Variants in CYP7A1 observed in about 807,000 individuals in gnomAD.
CYP7A1 encodes the protein cytochrome P450 7A1.
A neutral mutation model predicts 43.8 loss-of-function variants in CYP7A1; 28 were observed. That is an observed-to-expected ratio of 0.64 (90% CI 0.47 to 0.88). The LOEUF (loss-of-function observed/expected upper bound fraction) is 0.88, where lower values mean the gene tolerates loss of function less well. Among genes scored for constraint, CYP7A1 ranks in the 40% least tolerant of loss-of-function variants. The probability of loss-of-function intolerance (pLI) is 0.00; values close to 1 mark genes in which losing one functional copy is unlikely to be tolerated. For missense variants in CYP7A1, 637 were observed against 611.9 expected, an observed-to-expected ratio of 1.04 and a Z score of -0.43; for synonymous variants, 227 against 222.5, an observed-to-expected ratio of 1.02 and a Z score of -0.18.
At chr8:58,492,608 A>G (rs903163075) in intron 4 of CYP7A1, 80 bp from the exon 5 acceptor site, 53 of 1,193,964 alleles carry the variant, frequency 4.4e-5, no homozygotes, top group Admixed American at 9.6e-5. Context: ...CAAGTGTTTG[A>G]AGGTCATATG....
intron 4 of CYP7A1, among the ~76,000 whole-genome samples, chr8:58,493,491 C>T (rs761451733): frequency 2.3e-4 from 35 of 152,220 alleles, no homozygotes; most frequent in South Asian, 6.2e-4. Flanking sequence ...ACCTTTTAGC[C>T]GTATCCTTTA....
Position 58,497,036 on chromosome 8 carries a change from G to C in CYP7A1, c.476C>G (p.Ser159Cys). 1 of 1,608,820 alleles carries C rather than the reference G, an allele frequency of 6.2e-7. No individual in the cohort carries two copies. Among genetic ancestry groups the C allele is most frequent in the South Asian group, 1.1e-5 (1 of 91,064 alleles). ...LQRIMRPPVSSNSKTAAWVTE... is the reference protein window; with the variant it reads ...LQRIMRPPVSCNSKTAAWVTE... ...CACCCAGGCAGCGGTCTTTGAGTTA[G>C]AGGAGACTGGAGGTCTCATGATACG... The change falls in exon 3 of 6, where the codon TCT becomes TGT. Residue 159 changes from serine (S) to cysteine (C), a missense_variant. By Grantham distance (112) the Ser-to-Cys change is moderately radical. Transcript: ENST00000301645.
intron 5 of CYP7A1, 50 bp from the exon 6 acceptor site, chr8:58,491,824 T>C (rs1371155432): frequency 1.3e-6 from 2 of 1,486,760 alleles, no homozygotes; most frequent in Admixed American, 1.7e-5. Flanking sequence ...TTTAAAGAAA[T>C]TTATCTCTTT....
At chr8:58,498,109 A>G in intron 2 of CYP7A1, 120 bp downstream of exon 2, 1 of 1,107,514 alleles carries the variant, frequency 9.0e-7, no homozygotes, top group East Asian at 2.4e-5. Context: ...ATCTCCACAT[A>G]AGGATAACTC....
chr8:58,499,383 A>G (rs1809495878), intron 1 of CYP7A1, among the ~76,000 whole-genome samples: 1 of 152,208 alleles, frequency 6.6e-6, no homozygotes, highest in Non-Finnish European at 1.5e-5. Context: ...GAAGTTAAAT[A>G]AACTATGGTT....
rs766475483 is a variant in CYP7A1 at position 58,494,678 on chromosome 8, A to G, written c.909-42T>C. ...GAAAACATGTATGTACAGAAAATAA[A>G]CTTTTTCCATACTTTGAGATCTGCA... On this transcript the variant is annotated intron_variant, in intron 3 of 5. Transcript: ENST00000301645. The G allele has an allele frequency of 7.5e-6, 12 of 1,601,252 alleles. No individual in the cohort carries two copies. In the African/African-American group the frequency reaches 1.3e-4, roughly 18 times the overall value.
chr8:58,498,521 T>C (rs1269937774), intron 1 of CYP7A1, 52 bp from the exon 2 acceptor site: 1 of 1,608,916 alleles, frequency 6.2e-7, no homozygotes, highest in Non-Finnish European at 8.5e-7. Context: ...TTTGGGTTTT[T>C]ACTTACATCA....
chr8:58,497,141 T>C lies in CYP7A1; in HGVS notation c.371A>G (p.Asn124Ser). ...GGTTTTGATGAAAGTGTCGTTTATG[T>C]TTTCAGTGGTATTTCCATCCATCGG... ...IDPMDGNTTE[N>S]INDTFIKTLQ... Residue 124 changes from asparagine (N) to serine (S), a missense_variant, in exon 3 of 6, where the codon AAC (asparagine) becomes AGC (serine). By Grantham distance (46) the Asn-to-Ser change is conservative (BLOSUM62 1). Transcript: ENST00000301645. 2 of 1,599,744 alleles carry C rather than the reference T, an allele frequency of 1.3e-6. No individual in the cohort carries two copies. The highest frequency in any genetic ancestry group is 1.7e-4 in the Middle Eastern group (1 of 6,060).
intron 5 of CYP7A1, 25 bp from the exon 6 acceptor site, chr8:58,491,799 C>A: frequency 1.9e-6 from 3 of 1,592,342 alleles, no homozygotes; most frequent in South Asian, 1.1e-5. Context: ...CAAAGAAAAC[C>A]GCCTTTAAGC....
At chr8:58,497,316 T>G in intron 2 of CYP7A1, 126 bp from the exon 3 acceptor site, 1 of 831,454 alleles carries the variant, frequency 1.2e-6, no homozygotes, top group Non-Finnish European at 2.0e-6. Context: ...GGCTTTCCCT[T>G]GTACAAGTTC....
In CYP7A1 at chr8:58,494,696, G is replaced by C. The variant is rs1391873692; in HGVS notation, c.909-60C>G. The C allele has an allele frequency of 3.2e-6, 5 of 1,540,152 alleles. No individual in the cohort carries two copies. In the East Asian group the frequency reaches 1.1e-4, roughly 35 times the overall value. ...AAAATAAACTTTTTCCATACTTTGA[G>C]ATCTGCAAACAAATAGGCCTTTCCC... is the stretch of plus-strand genomic sequence containing the variant. On this transcript the variant is annotated intron_variant, in intron 3 of 5. Transcript: ENST00000301645.
chr8:58,497,489 A>C (rs967308312), intron 2 of CYP7A1, among the ~76,000 whole-genome samples: 3 of 152,176 alleles, frequency 2.0e-5, no homozygotes, highest in Non-Finnish European at 4.4e-5. Context: ...TAAAATCATT[A>C]GTTATCTTTT....
intron 4 of CYP7A1, among the ~76,000 whole-genome samples, chr8:58,493,231 G>T (rs1248344005): frequency 6.6e-6 from 1 of 152,072 alleles, no homozygotes; most frequent in East Asian, 1.9e-4. Context: ...ATTATTCAAA[G>T]TTTATCACTT....
chr8:58,497,447 A>G lies in CYP7A1; in HGVS notation c.322-257T>C, dbSNP rs8192873. 2.3e-3 allele frequency among the ~76,000 whole-genome samples: 357 copies of G among 152,334 alleles called. 2 individuals are homozygous for G. The highest frequency in any genetic ancestry group is 0.014 in the Admixed American group (221 of 15,304). ...TTCTTATGCTACTGCACTTATTTAC[A>G]GCTATTGCACATAAACTAATTGATA... On this transcript the variant is annotated intron_variant, in intron 2 of 5. Transcript: ENST00000301645.
chr8:58,491,751 A>C lies in CYP7A1; in HGVS notation c.1239T>G (p.Leu413=). 1.2e-6 allele frequency: 2 copies of C among 1,613,524 alleles called. No homozygotes were observed. Among genetic ancestry groups the C allele is most frequent in the Non-Finnish European group, 1.7e-6 (2 of 1,179,436 alleles). ...DPLTFKYDRY[L]DENGKTKTTF... ...TAGTCTTTGTCTTCCCGTTTTCATC[A>C]AGATACCTATCATATTTAAAAGTCT... is the stretch of plus-strand genomic sequence containing the variant. Residue 413 remains leucine (L), a synonymous_variant, in exon 6 of 6, where the codon CTT becomes CTG. Transcript: ENST00000301645.
rs199664989 is a variant in CYP7A1 at position 58,492,319 on chromosome 8, C to T, written c.1215+34G>A. ...TTTATTTAGATCTAGGTAGCTATCA[C>T]CTGGATATTGAATTTCAATGGGCAG... On this transcript the variant is annotated intron_variant, in intron 5 of 5. Coordinates refer to ENST00000301645, the MANE Select transcript of CYP7A1 (RefSeq NM_000780.4). 3.5e-5 allele frequency: 54 copies of T among 1,538,072 alleles called. No individual in the cohort carries two copies. The African/African-American group carries it at 7.1e-4, about 20-fold the overall frequency.
chr8:58,499,127 C>T (rs1053479540), intron 1 of CYP7A1, among the ~76,000 whole-genome samples: 4 of 152,168 alleles, frequency 2.6e-5, no homozygotes, highest in African/African-American at 9.6e-5. Context: ...ACTTATTTTC[C>T]AACATAAACT....
intron 4 of CYP7A1, among the ~76,000 whole-genome samples, chr8:58,494,027 TATC>T (rs1036753085): frequency 1.3e-5 from 2 of 152,042 alleles, no homozygotes; most frequent in African/African-American, 4.8e-5. Context: ...AAAATAAAAA[TATC>T]ATATTGTTAT....
chr8:58,493,728 G>A (rs141675909), intron 4 of CYP7A1, among the ~76,000 whole-genome samples: 2,030 of 152,258 alleles, frequency 0.013, 19 homozygotes, highest in Non-Finnish European at 0.022. Context: ...GGCCGGGTGC[G>A]GTGGCTCATG....
Sources: allele counts gnomAD v4.1 joint callset (sites outside exome capture counted in the v4.1 genomes callset), GRCh38; gene constraint gnomAD v4.1.1; transcripts MANE v1.5; gene names NCBI Gene and HGNC (gene_info 2026-07-23, HGNC 2026-07-21).